The following AKR1C2 variants were observed in gnomAD, a reference collection of about 807,000 sequenced individuals.
AKR1C2 encodes the protein aldo-keto reductase family 1 member C2.
AKR1C2 carries 27 observed loss-of-function variants against 39.8 expected under a neutral mutation model. That is an observed-to-expected ratio of 0.68 (90% CI 0.50 to 0.93). The LOEUF is 0.93. AKR1C2 is among the 40% of genes least tolerant of loss of function. AKR1C2 has a pLI of 0.00. For synonymous variants in AKR1C2, 114 were observed against 137.9 expected, an observed-to-expected ratio of 0.83 and a Z score of 1.22; for missense variants, 263 against 365.1, an observed-to-expected ratio of 0.72 and a Z score of 2.28.
intron 5 of AKR1C2, 167 bp from the exon 6 acceptor site, chr10:4,996,032 C>T (rs1837024702): frequency 1.3e-6 from 1 of 763,268 alleles, no homozygotes; most frequent in Non-Finnish European, 2.0e-6. Context: ...CCCCTCTCTC[C>T]TAAGAAAATA....
At chr10:4,994,193 A>G (rs1477202908) in intron 7 of AKR1C2, among the ~76,000 whole-genome samples, 3 of 152,008 alleles carry the variant, frequency 2.0e-5, no homozygotes, top group African/African-American at 7.2e-5. Flanking sequence ...TAGAAAACAT[A>G]CACATATGTA....
Position 4,998,752 on chromosome 10 carries a change from G to C in AKR1C2, c.448-5C>G, listed in dbSNP as rs782378586. ...ATCTTTACACTTCTCCATGGCCTGG[G>C]AAAAAGGAATTGTGAGGTATCATTT... is the stretch of plus-strand genomic sequence containing the variant. On this transcript the variant is annotated splice_region_variant and splice_polypyrimidine_tract_variant and intron_variant, in intron 4 of 8. Transcript: ENST00000380753. The C allele has an allele frequency of 4.3e-6, 7 of 1,613,348 alleles. No homozygotes were observed. The East Asian group carries it at 1.6e-4, about 36-fold the overall frequency.
rs565642871 is a variant in AKR1C2 at position 5,001,682 on chromosome 10, C to G, written c.85-1G>C. 5.6e-5 allele frequency: 91 copies of G among 1,613,630 alleles called. No individual in the cohort carries two copies. The South Asian group carries it at 8.7e-4, about 15-fold the overall frequency. ...CCTCTAGAGCTTTACTTTTAGGAAC[C>G]TGGGGGAGCAACCAAACGTAATATT... On this transcript the variant is annotated splice_acceptor_variant, in intron 1 of 8. Coordinates refer to ENST00000380753, the MANE Select transcript of AKR1C2 (RefSeq NM_001393392.1). LOFTEE classifies it high-confidence loss of function.
chr10:5,010,761 T>A (rs1379095496), intron 1 of AKR1C2: 1 of 152,154 alleles, frequency 6.6e-6, no homozygotes, highest in Non-Finnish European at 1.5e-5. Context: ...AAAACCGTAA[T>A]GAAAAATTGA....
At chr10:4,998,009 G>A (rs1472772775) in intron 5 of AKR1C2, among the ~76,000 whole-genome samples, 3 of 152,234 alleles carry the variant, frequency 2.0e-5, no homozygotes, top group Non-Finnish European at 2.9e-5. Context: ...TCCATGTTCT[G>A]CTGAACCTTC....
chr10:5,014,617 A>G (rs1489119307), intron 1 of AKR1C2, among the ~76,000 whole-genome samples: 1 of 152,070 alleles, frequency 6.6e-6, no homozygotes, highest in East Asian at 1.9e-4. Context: ...TGTCAGATCT[A>G]TTTGGGGAAT....
At chr10:5,007,153 T>A (rs1407157525), upstream of AKR1C2, among the ~76,000 whole-genome samples, 2 of 147,620 alleles carry the variant, frequency 1.4e-5, no homozygotes, top group Non-Finnish European at 1.5e-5. Context: ...AGAACTGCTC[T>A]ACAAGAAATG....
chr10:5,006,693 T>C (rs1364211571), upstream of AKR1C2: 1 of 151,962 alleles, frequency 6.6e-6, no homozygotes, highest in African/African-American at 2.4e-5. Context: ...CTTATGAGAG[T>C]CTTTGGAGGA....
At position 5,002,936 on chromosome 10, in the gene AKR1C2, C is replaced by T. The variant is rs569218305; in HGVS notation, c.84+816G>A. On this transcript the variant is annotated intron_variant, in intron 1 of 8. Transcript: ENST00000380753. ...TCTTCAAAATGTCCCTTTGTAACTC[C>T]TTATGTCTTATAGATGAGAAATGTG... Among the ~76,000 whole-genome samples, 10 of 152,278 alleles carry T rather than the reference C, an allele frequency of 6.6e-5. No homozygotes were observed. In the South Asian group the frequency reaches 2.1e-3, roughly 32 times the overall value.
At chr10:5,011,957 G>A (rs1837533170) in intron 1 of AKR1C2, among the ~76,000 whole-genome samples, 1 of 152,128 alleles carries the variant, frequency 6.6e-6, no homozygotes, top group African/African-American at 2.4e-5. Flanking sequence ...TATAATCTAG[G>A]TATGAGTAGA....
At chr10:5,008,103 G>A (rs1240237155), upstream of AKR1C2, among the ~76,000 whole-genome samples, 3 of 151,598 alleles carry the variant, frequency 2.0e-5, no homozygotes, top group African/African-American at 4.9e-5. Context: ...TTTCCAGGCT[G>A]AAGTTGCAAG....
rs1392231521 is a variant in AKR1C2 at position 4,989,901 on chromosome 10, A to G, written c.*95T>C. 1 of 1,457,550 alleles carries G rather than the reference A, an allele frequency of 6.9e-7. No individual in the cohort carries two copies. Among genetic ancestry groups the G allele is most frequent in the Non-Finnish European group, 9.4e-7 (1 of 1,060,990 alleles). The allele number at this position is 1,457,550 out of a possible 1,614,324, so 90.3% of individuals were successfully genotyped here. On this transcript the variant is annotated 3_prime_UTR_variant, in exon 9 of 9. Coordinates refer to ENST00000380753, the MANE Select transcript of AKR1C2 (RefSeq NM_001393392.1). ...GTCGCCAAGCAGGAGAGATTTAACC[A>G]GAGGCGATGTGTCCAGTCACCAGCA...
At chr10:5,012,785 A>G (rs1837550644) in intron 1 of AKR1C2, among the ~76,000 whole-genome samples, 1 of 152,194 alleles carries the variant, frequency 6.6e-6, no homozygotes, top group Non-Finnish European at 1.5e-5. Flanking sequence ...TTCAAACGTG[A>G]TTCAGCAATT....
chr10:4,990,431 A>T (rs1273517297), intron 8 of AKR1C2, among the ~76,000 whole-genome samples: 1 of 152,222 alleles, frequency 6.6e-6, no homozygotes, highest in Non-Finnish European at 1.5e-5. Context: ...ATATATGCTC[A>T]TCACTAATAA....
rs782138760 is a variant in AKR1C2, at chr10:4,990,048, G to C, written c.930-10C>G. The C allele has an allele frequency of 5.8e-5, 88 of 1,528,844 alleles. No homozygotes were observed. In the African/African-American group the frequency reaches 1.3e-3, roughly 23 times the overall value. The allele number at this position is 1,528,844 out of a possible 1,614,324, so 94.7% of individuals were successfully genotyped here. A position where few individuals can be genotyped will look rare whatever the true frequency, so the allele number is the denominator to read the frequency against. ...AGGGGGGCCAGCAAAACTGGAAAGA[G>C]AAAAAAAAATGCACACTCTGAATGG... On this transcript the variant is annotated splice_polypyrimidine_tract_variant and intron_variant, in intron 8 of 8. Coordinates refer to ENST00000380753, the MANE Select transcript of AKR1C2 (RefSeq NM_001393392.1).
intron 5 of AKR1C2, among the ~76,000 whole-genome samples, chr10:4,997,822 T>C (rs1298400595): frequency 6.6e-6 from 1 of 152,166 alleles, no homozygotes; most frequent in African/African-American, 2.4e-5. Context: ...TGTGTAACAT[T>C]TGGGGGCAGT....
chr10:5,002,101 A>G (rs1554773908), intron 1 of AKR1C2, among the ~76,000 whole-genome samples: 1 of 152,262 alleles, frequency 6.6e-6, no homozygotes, highest in Non-Finnish European at 1.5e-5. Flanking sequence ...CATGTTGCAC[A>G]GAGCGCACTG....
In AKR1C2 at chr10:5,003,815, A is replaced by G; in HGVS notation, c.21T>C (p.Cys7=). 2 of 1,614,140 alleles carry G rather than the reference A, an allele frequency of 1.2e-6. No homozygotes were observed. The highest frequency in any genetic ancestry group is 1.7e-6 in the Non-Finnish European group (2 of 1,179,986). The change falls in exon 1 of 9, where the codon TGT becomes TGC. Residue 7 remains cysteine, a synonymous_variant. Coordinates refer to ENST00000380753, the MANE Select transcript of AKR1C2 (RefSeq NM_001393392.1). MDSKYQ[C]VKLNDGHFMP... The stretch of plus-strand genomic sequence containing the variant: ...TGAAGTGACCATCATTCAGCTTCAC[A>G]CACTGGTATTTCGAATCCATTTCTG...
intron 4 of AKR1C2, among the ~76,000 whole-genome samples, chr10:4,998,996 C>A (rs1228665080): frequency 6.6e-6 from 1 of 152,110 alleles, no homozygotes; most frequent in Non-Finnish European, 1.5e-5. Context: ...AATCCCAGTC[C>A]TCCTTACCCC....
Sources: gnomAD v4.1 joint callset for allele counts (sites outside exome capture counted in the v4.1 genomes callset) on GRCh38, gnomAD v4.1.1 for gene constraint, MANE v1.5 for transcripts, NCBI Gene and HGNC (gene_info 2026-07-23, HGNC 2026-07-21) for gene names.